Variants in NIBAN2 observed in about 807,000 individuals in gnomAD.
NIBAN2 encodes the protein niban apoptosis regulator 2, also known as protein Niban 2.
Under a neutral mutation model 81.8 loss-of-function variants are expected in NIBAN2, and 36 were observed. The observed-to-expected ratio is 0.44, with a 90% CI of 0.34 to 0.58. NIBAN2 has a LOEUF of 0.58. Among genes scored for constraint, NIBAN2 ranks in the 20% least tolerant of loss-of-function variants. NIBAN2 has a pLI of 0.02. For missense variants in NIBAN2, 897 were observed against 1,014.1 expected (o/e 0.88, Z 1.57); for synonymous variants, 445 against 441.6 (o/e 1.01, Z -0.10).
intron 1 of NIBAN2, among the ~76,000 whole-genome samples, chr9:127,546,870 A>G (rs573987946): frequency 6.6e-6 from 1 of 151,958 alleles, no homozygotes; most frequent in South Asian, 2.1e-4. Flanking sequence ...GAAGCACAGG[A>G]GGTCACAGGA....
intron 1 of NIBAN2, among the ~76,000 whole-genome samples, chr9:127,577,105 T>TGA (rs2132250247): frequency 6.6e-6 from 1 of 151,308 alleles, no homozygotes; most frequent in South Asian, 2.1e-4. Flanking sequence ...GTCGGGAGTT[T>TGA]GAGACCAGCC....
chr9:127,537,679 G>A lies in NIBAN2; in HGVS notation c.56-5901C>T, dbSNP rs1564308825. 8.5e-5 allele frequency among the ~76,000 whole-genome samples: 13 copies of A among 152,238 alleles called. 1 individual carries two copies. The South Asian group carries it at 2.7e-3, about 32-fold the overall frequency. ...TTCTGCCAGCAGGAGGTAAGCCCAC[G>A]CCCATCAGACACAGGGCCCACCTGT... On this transcript the variant is annotated intron_variant, in intron 1 of 13. Transcript: ENST00000373312.
chr9:127,555,921 C>CCAGCT (rs1837660781), intron 1 of NIBAN2, among the ~76,000 whole-genome samples: 1 of 152,202 alleles, frequency 6.6e-6, no homozygotes, highest in South Asian at 2.1e-4. Context: ...TTCAGCCACA[C>CCAGCT]CAGCTCAGAT....
In NIBAN2 at chr9:127,548,479, G is replaced by A. The variant is rs551015190; in HGVS notation, c.56-16701C>T. On this transcript the variant is annotated intron_variant, in intron 1 of 13. Transcript: ENST00000373312. ...CACGTGTGGCCCTGGGCAAGTTCTG[G>A]TCTCTCCAAGACTCTGCTTCCTGTA... Among the ~76,000 whole-genome samples, 9 of 152,288 alleles carry A rather than the reference G, an allele frequency of 5.9e-5. 3 individuals carry two copies. The South Asian group carries it at 1.9e-3, about 32-fold the overall frequency.
At chr9:127,552,191 T>G (rs1007559240) in intron 1 of NIBAN2, among the ~76,000 whole-genome samples, 3 of 152,214 alleles carry the variant, frequency 2.0e-5, no homozygotes, top group Non-Finnish European at 2.9e-5. Context: ...AGCCTGACAC[T>G]GAGCAGAGAT....
intron 1 of NIBAN2, among the ~76,000 whole-genome samples, chr9:127,567,190 G>A (rs1837873009): frequency 6.6e-6 from 1 of 152,060 alleles, no homozygotes; most frequent in Non-Finnish European, 1.5e-5. Flanking sequence ...GCCCAGCACT[G>A]AGTATGGGGA....
chr9:127,542,628 C>T (rs779026126), intron 1 of NIBAN2, among the ~76,000 whole-genome samples: 153 of 151,910 alleles, frequency 1.0e-3, no homozygotes, highest in Non-Finnish European at 2.0e-3. Context: ...TGCTGTCCTT[C>T]CTTGGGAAGG....
intron 3 of NIBAN2, among the ~76,000 whole-genome samples, chr9:127,526,483 G>A (rs1339528333): frequency 2.0e-5 from 3 of 151,828 alleles, no homozygotes; most frequent in South Asian, 2.1e-4. Flanking sequence ...GCCCAGCACC[G>A]TGTCTTTCAG....
intron 2 of NIBAN2, among the ~76,000 whole-genome samples, chr9:127,529,066 C>T (rs769684893): frequency 2.6e-5 from 4 of 152,198 alleles, no homozygotes; most frequent in East Asian, 3.8e-4. Context: ...ATGGCAGAGT[C>T]GTGTTCAATT....
In NIBAN2 at chr9:127,552,422, A is replaced by T. The variant is rs1393492689; in HGVS notation, c.55+16398T>A. On this transcript the variant is annotated intron_variant, in intron 1 of 13. Coordinates refer to ENST00000373312, the MANE Select transcript of NIBAN2 (RefSeq NM_022833.4). ...AATCCATCTCTACGAAAATTTTTTT[A>T]AAAAATTAGCCAGGCATGGTGGCAC... 3.9e-5 allele frequency among the ~76,000 whole-genome samples: 6 copies of T among 151,954 alleles called. No individual in the cohort carries two copies. In the South Asian group the frequency reaches 1.3e-3, roughly 32 times the overall value.
At chr9:127,534,891 A>G (rs1352681252) in intron 1 of NIBAN2, among the ~76,000 whole-genome samples, 1 of 152,198 alleles carries the variant, frequency 6.6e-6, no homozygotes, top group Non-Finnish European at 1.5e-5. Flanking sequence ...GAAGCTGACA[A>G]TAACATCGGT....
chr9:127,514,790 CTTT>C (rs1367123557), intron 8 of NIBAN2, among the ~76,000 whole-genome samples: 6 of 152,220 alleles, frequency 3.9e-5, no homozygotes, highest in Non-Finnish European at 7.3e-5. Flanking sequence ...AGCTAACGTT[CTTT>C]GTTCCACACA....
At chr9:127,539,447 C>T (rs776398062) in intron 1 of NIBAN2, among the ~76,000 whole-genome samples, 5 of 152,146 alleles carry the variant, frequency 3.3e-5, no homozygotes, top group African/African-American at 9.7e-5. Flanking sequence ...GTGACTTTCC[C>T]GAGGCAACAG....
Position 127,517,084 on chromosome 9 carries a change from C to T in NIBAN2, c.810+28G>A. On this transcript the variant is annotated intron_variant, in intron 7 of 13. Transcript: ENST00000373312. This position sits in a 1 kb window ranked among gnomAD's most constrained non-coding sequence, Gnocchi z 4.0. ...CACCGCACCAGCTGCAGGTCCCGTC[C>T]CCGCTCCAGGGCCCCAGGCCCACCC... 1.2e-6 allele frequency: 2 copies of T among 1,611,172 alleles called. No homozygotes were observed. Among genetic ancestry groups the T allele is most frequent in the Non-Finnish European group, 1.7e-6 (2 of 1,178,018 alleles).
chr9:127,523,927 A>G lies in NIBAN2; in HGVS notation c.422-81T>C, dbSNP rs554926745. 1,161 of 1,480,268 alleles carry G rather than the reference A, an allele frequency of 7.8e-4. 3 individuals carry two copies. The highest frequency in any genetic ancestry group is 1.0e-3 in the Non-Finnish European group (1,071 of 1,075,268). The allele number at this position is 1,480,268 out of a possible 1,614,324, so 91.7% of individuals were successfully genotyped here. A position where few individuals can be genotyped will look rare whatever the true frequency, so the allele number is the denominator to read the frequency against. On this transcript the variant is annotated intron_variant, in intron 4 of 13. Coordinates refer to ENST00000373312, the MANE Select transcript of NIBAN2 (RefSeq NM_022833.4). ...GATGTCAGAGAACTGATCCCTTGGC[A>G]TCAGCTCTGAGGTCAGGCTCAGGCC... is the stretch of plus-strand genomic sequence containing the variant.
intron 5 of NIBAN2, 128 bp from the exon 6 acceptor site, chr9:127,518,069 C>G (rs1403006174): frequency 3.3e-6 from 2 of 600,220 alleles, no homozygotes; most frequent in Non-Finnish European, 5.9e-6. Context: ...CAGCTGGGAC[C>G]CTCACTTTCC....
At chr9:127,569,911 A>G (rs1343573828), upstream of NIBAN2, among the ~76,000 whole-genome samples, 1 of 152,194 alleles carries the variant, frequency 6.6e-6, no homozygotes, top group African/African-American at 2.4e-5. Context: ...AAACCCGGAG[A>G]CCGACAGGCA....
At chr9:127,511,507 T>TA (rs33964200) in intron 8 of NIBAN2, among the ~76,000 whole-genome samples, 24,783 of 145,848 alleles carry the variant, frequency 0.17, 2,559 homozygotes, top group Admixed American at 0.33. Context: ...CAATATTATT[T>TA]AAAAAAAAAA....
chr9:127,508,448 G>A lies in NIBAN2; in HGVS notation c.1408C>T (p.Gln470Ter). ...TTCAGCACCCGCTCCAGGACCCGCT[G>A]GATGGACTTGCACAGCTCCTCCTTG... The part of the protein sequence containing the change: ...PTKEELCKSI[Q>*]RVLERVLKKY... Residue 470 changes from glutamine (Q) to a stop codon, truncating the protein, a stop_gained, in exon 11 of 14, where the codon CAG (glutamine) becomes TAG (stop). Coordinates refer to ENST00000373312, the MANE Select transcript of NIBAN2 (RefSeq NM_022833.4). LOFTEE classifies it high-confidence loss of function. This position sits in a 1 kb window ranked among gnomAD's most constrained non-coding sequence, Gnocchi z 6.4. 1 of 1,613,088 alleles carries A rather than the reference G, an allele frequency of 6.2e-7. No individual in the cohort carries two copies. Among genetic ancestry groups the A allele is most frequent in the Non-Finnish European group, 8.5e-7 (1 of 1,179,966 alleles).
Sources: allele counts gnomAD v4.1 joint callset (sites outside exome capture counted in the v4.1 genomes callset), GRCh38; gene constraint gnomAD v4.1.1; non-coding constraint Gnocchi (gnomAD v3.1); transcripts MANE v1.5; gene names NCBI Gene and HGNC (gene_info 2026-07-23, HGNC 2026-07-21).